Variants in PRKCB observed in about 807,000 individuals in gnomAD.
The protein encoded by PRKCB is protein kinase C beta type.
PRKCB carries 13 observed loss-of-function variants against 81.5 expected under a neutral mutation model. The observed-to-expected ratio is 0.16, with a 90% CI of 0.10 to 0.25. PRKCB has a LOEUF of 0.25. PRKCB is among the 10% of genes least tolerant of loss of function. PRKCB has a pLI of 1.00. For missense variants in PRKCB, 509 were observed against 875.7 expected (o/e 0.58, Z 5.29); for synonymous variants, 335 against 321.4 (o/e 1.04, Z -0.45).
At chr16:23,901,916 G>C (rs1963480393) in intron 2 of PRKCB, among the ~76,000 whole-genome samples, 1 of 152,240 alleles carries the variant, frequency 6.6e-6, no homozygotes, top group Non-Finnish European at 1.5e-5. Flanking sequence ...CACTGTGGCT[G>C]AGTGTGTGTG....
intron 2 of PRKCB, among the ~76,000 whole-genome samples, chr16:23,886,039 A>G (rs932586417): frequency 6.6e-6 from 1 of 152,188 alleles, no homozygotes; most frequent in East Asian, 1.9e-4. Context: ...TGAATCCTCA[A>G]ACCAACTCTT....
At chr16:23,907,718 G>A (rs2141729403) in intron 2 of PRKCB, among the ~76,000 whole-genome samples, 1 of 152,304 alleles carries the variant, frequency 6.6e-6, no homozygotes, top group Admixed American at 6.5e-5. Flanking sequence ...GTATGAGTGT[G>A]GGGTCTGTGG....
chr16:23,865,522 T>C, intron 2 of PRKCB, among the ~76,000 whole-genome samples: 1 of 2,260 alleles, frequency 4.4e-4, no homozygotes, highest in Non-Finnish European at 8.1e-4. Context: ...TATATATGTG[T>C]GTGTGTGTGT....
intron 16 of PRKCB, among the ~76,000 whole-genome samples, chr16:24,210,880 G>A (rs1264081143): frequency 6.6e-6 from 1 of 152,158 alleles, no homozygotes; most frequent in African/African-American, 2.4e-5. Context: ...AGTCTCGTTT[G>A]TTGCTTCTCT....
chr16:23,896,077 CA>C (rs1174094263), intron 2 of PRKCB, among the ~76,000 whole-genome samples: 1 of 32,082 alleles, frequency 3.1e-5, no homozygotes, highest in Non-Finnish European at 5.1e-5. Flanking sequence ...AATCCATTCA[CA>C]TTTTTTTTTT....
Position 24,021,293 on chromosome 16 carries a change from CCCTTCCTTCCTTCCTTCCTT to C in PRKCB, c.289-10799_289-10780del, listed in dbSNP as rs1157671937. Among the ~76,000 whole-genome samples, 115 of 18,386 alleles carry C rather than the reference CCCTTCCTTCCTTCCTTCCTT, an allele frequency of 6.3e-3. 5 individuals are homozygous for C. Among genetic ancestry groups the C allele is most frequent in the African/African-American group, 0.03 (101 of 3,400 alleles). The allele number at this position is 18,386 out of a possible 152,430, so 12.1% of individuals were successfully genotyped here. ...TTTTCTTTCTTTTCTCCCTCTCCCT[CCCTTCCTTCCTTCCTTCCTT>C]CCTTCCTTCCTTCCTTCCTTCCTTC... On this transcript the variant is annotated intron_variant, in intron 3 of 16. Coordinates refer to ENST00000643927, the MANE Select transcript of PRKCB (RefSeq NM_002738.7).
intron 2 of PRKCB, among the ~76,000 whole-genome samples, chr16:23,891,541 C>G (rs1003769465): frequency 1.3e-5 from 2 of 152,126 alleles, no homozygotes; most frequent in Non-Finnish European, 2.9e-5. Context: ...CTCTTGGACA[C>G]TTCCAAAAGT....
At chr16:24,108,975 C>T (rs1283873431) in intron 7 of PRKCB, among the ~76,000 whole-genome samples, 11 of 83,740 alleles carry the variant, frequency 1.3e-4, no homozygotes, top group African/African-American at 6.9e-4. Flanking sequence ...GCTGGCCGGG[C>T]GGGGGACTGA....
rs1251111524 is a variant in PRKCB at position 23,925,799 on chromosome 16, G to A, written c.206-62709G>A. Among the ~76,000 whole-genome samples, 8 of 151,958 alleles carry A rather than the reference G, an allele frequency of 5.3e-5. No homozygotes were observed. The East Asian group carries it at 1.5e-3, about 29-fold the overall frequency. On this transcript the variant is annotated intron_variant, in intron 2 of 16. Coordinates refer to ENST00000643927, the MANE Select transcript of PRKCB (RefSeq NM_002738.7). ...CTCCCCCACCCAACCCTTCCAAGAA[G>A]GATGACTATTACTCAACAGTCATTC...
At position 24,021,307 on chromosome 16, in the gene PRKCB, C is replaced by CTCTTTCTTTCT. The variant is rs1397777370; in HGVS notation, c.289-10828_289-10827insCTTTCTTTCTT. Among the ~76,000 whole-genome samples, 17 of 25,100 alleles carry CTCTTTCTTTCT rather than the reference C, an allele frequency of 6.8e-4. 2 individuals are homozygous for CTCTTTCTTTCT. Among genetic ancestry groups the CTCTTTCTTTCT allele is most frequent in the Non-Finnish European group, 9.5e-4 (14 of 14,782 alleles). The allele number at this position is 25,100 out of a possible 152,430, so 16.5% of individuals were successfully genotyped here. A position where few individuals can be genotyped will look rare whatever the true frequency, so the allele number is the denominator to read the frequency against. ...TCCCTCTCCCTCCCTTCCTTCCTTC[C>CTCTTTCTTTCT]TTCCTTCCTTCCTTCCTTCCTTCCT... On this transcript the variant is annotated intron_variant, in intron 3 of 16. Transcript: ENST00000643927.
chr16:24,049,021 A>T (rs1470659245), intron 5 of PRKCB, among the ~76,000 whole-genome samples: 1 of 135,056 alleles, frequency 7.4e-6, no homozygotes, highest in Non-Finnish European at 1.6e-5. Flanking sequence ...GAGGCTGAAG[A>T]TGATAACATT....
chr16:23,836,635 C>T (rs547101675), intron 1 of PRKCB, among the ~76,000 whole-genome samples: 1 of 151,708 alleles, frequency 6.6e-6, no homozygotes, highest in South Asian at 2.1e-4. Context: ...AGCCTTTGCT[C>T]CACCTGACTA....
intron 16 of PRKCB, among the ~76,000 whole-genome samples, chr16:24,209,484 A>G (rs75024506): frequency 0.053 from 8,055 of 152,066 alleles, 323 homozygotes; most frequent in East Asian, 0.18. Flanking sequence ...GAAAGCAAAT[A>G]CTAAATTTCC....
At chr16:24,174,666 T>C (rs944992296) in intron 12 of PRKCB, 86 bp downstream of exon 12, 8 of 1,287,022 alleles carry the variant, frequency 6.2e-6, no homozygotes, top group Non-Finnish European at 8.8e-6. Context: ...CTTTTAAAAT[T>C]AGAATCCGCG....
chr16:23,967,072 C>T (rs1244101492), intron 2 of PRKCB, among the ~76,000 whole-genome samples: 1 of 151,790 alleles, frequency 6.6e-6, no homozygotes, highest in African/African-American at 2.4e-5. Context: ...TTTGCAGCCC[C>T]TGCCTTAAGA....
At chr16:23,976,012 T>C (rs917680178) in intron 2 of PRKCB, among the ~76,000 whole-genome samples, 4 of 152,276 alleles carry the variant, frequency 2.6e-5, no homozygotes, top group Middle Eastern at 3.4e-3. Context: ...GTTGGCTTCA[T>C]TCTCAAAAAA....
intron 2 of PRKCB, among the ~76,000 whole-genome samples, chr16:23,968,641 T>A (rs1964518447): frequency 6.6e-6 from 1 of 152,050 alleles, no homozygotes; most frequent in Admixed American, 6.6e-5. Flanking sequence ...ATGAATTCTG[T>A]AAGGGTCAGC....
chr16:23,847,690 G>A (rs138873901), intron 2 of PRKCB, among the ~76,000 whole-genome samples: 80 of 152,252 alleles, frequency 5.3e-4, no homozygotes, highest in Non-Finnish European at 8.4e-4. Flanking sequence ...GAACAGCATC[G>A]CTGGCTTCAT....
intron 2 of PRKCB, among the ~76,000 whole-genome samples, chr16:23,842,797 C>A (rs1018442901): frequency 9.9e-5 from 15 of 152,258 alleles, no homozygotes; most frequent in South Asian, 6.2e-4. Context: ...CAATATCAAT[C>A]CTATCAAATC....
Sources: gnomAD v4.1 joint callset for allele counts (sites outside exome capture counted in the v4.1 genomes callset) on GRCh38, gnomAD v4.1.1 for gene constraint, MANE v1.5 for transcripts, NCBI Gene and HGNC (gene_info 2026-07-23, HGNC 2026-07-21) for gene names.